STAG1: variants seen among roughly 807,000 people sequenced by gnomAD.
STAG1 encodes STAG1 cohesin complex component.
In STAG1, 26 loss-of-function variants were observed where a neutral mutation model predicts 170.9. The observed-to-expected ratio is 0.15, with a 90% CI of 0.11 to 0.21. The LOEUF is 0.21. Among genes scored for constraint, STAG1 ranks in the 10% least tolerant of loss-of-function variants. STAG1 has a pLI of 1.00. For synonymous variants in STAG1, 514 were observed against 497.7 expected (o/e 1.03, Z -0.44); for missense variants, 964 against 1,509.5 (o/e 0.64, Z 5.99).
chr3:136,555,599 G>A (rs1212557950), intron 5 of STAG1, among the ~76,000 whole-genome samples: 2 of 151,976 alleles, frequency 1.3e-5, no homozygotes, highest in Non-Finnish European at 2.9e-5. Flanking sequence ...AGTAGAATCC[G>A]CTTGAACCCA....
At chr3:136,723,344 G>A (rs1473704513) in intron 1 of STAG1, among the ~76,000 whole-genome samples, 175 of 142,896 alleles carry the variant, frequency 1.2e-3, no homozygotes, top group Non-Finnish European at 2.1e-3. Flanking sequence ...CTGCCCCGCC[G>A]CCCCGTCTGG....
chr3:136,652,970 A>G (rs962551373), intron 1 of STAG1, among the ~76,000 whole-genome samples: 2 of 152,114 alleles, frequency 1.3e-5, no homozygotes, highest in South Asian at 4.1e-4. Context: ...GGTGGGAGAC[A>G]CTGCCCCTAG....
At chr3:136,433,681 G>T in intron 15 of STAG1, 22 bp from the exon 16 acceptor site, 1 of 1,501,600 alleles carries the variant, frequency 6.7e-7, no homozygotes, top group Non-Finnish European at 9.2e-7. Context: ...CAAAATACAT[G>T]AGCATGAGTA....
intron 1 of STAG1, among the ~76,000 whole-genome samples, chr3:136,633,962 T>TCA (rs1212800689): frequency 2.0e-5 from 1 of 50,356 alleles, no homozygotes; most frequent in East Asian, 1.5e-3. Flanking sequence ...TGTCTCTACT[T>TCA]AAAAAAAAAA....
At chr3:136,511,823 T>C (rs1184377594) in intron 7 of STAG1, among the ~76,000 whole-genome samples, 1 of 152,110 alleles carries the variant, frequency 6.6e-6, no homozygotes, top group Non-Finnish European at 1.5e-5. Flanking sequence ...TCAATTTTCA[T>C]CTTCAACAAA....
intron 4 of STAG1, among the ~76,000 whole-genome samples, chr3:136,585,503 C>T (rs907904529): frequency 2.6e-5 from 4 of 151,788 alleles, no homozygotes; most frequent in African/African-American, 9.7e-5. Flanking sequence ...ATCTCAGCCA[C>T]TAAGGAGGTT....
At chr3:136,590,914 A>G (rs963292683) in intron 4 of STAG1, among the ~76,000 whole-genome samples, 2 of 151,942 alleles carry the variant, frequency 1.3e-5, no homozygotes, top group African/African-American at 4.8e-5. Flanking sequence ...GTGAAGTTCC[A>G]TTTATTTTAT....
Position 136,338,130 on chromosome 3 carries a change from A to C in STAG1, c.*124T>G, listed in dbSNP as rs1935775508. The C allele has an allele frequency of 1.5e-6, 1 of 677,996 alleles. No individual in the cohort carries two copies. The highest frequency in any genetic ancestry group is 2.6e-6 in the Non-Finnish European group (1 of 385,258). The allele number at this position is 677,996 out of a possible 1,614,324, so 42.0% of individuals were successfully genotyped here. The stretch of plus-strand genomic sequence containing the variant: ...GTCACTGCAAAAAGGGATTGACCTT[A>C]ATCATTTGATTAAAAAACAAATCAG... On this transcript the variant is annotated 3_prime_UTR_variant, in exon 34 of 34. Coordinates refer to ENST00000383202, the MANE Select transcript of STAG1 (RefSeq NM_005862.3).
At chr3:136,540,935 T>C (rs1559868752) in intron 6 of STAG1, among the ~76,000 whole-genome samples, 1 of 151,602 alleles carries the variant, frequency 6.6e-6, no homozygotes, top group Non-Finnish European at 1.5e-5. Flanking sequence ...TTGTTATATG[T>C]GCATTTTCAC....
At chr3:136,559,846 G>A (rs1391815517) in intron 5 of STAG1, among the ~76,000 whole-genome samples, 1 of 152,176 alleles carries the variant, frequency 6.6e-6, no homozygotes, top group Non-Finnish European at 1.5e-5. Flanking sequence ...CAAAATGTGA[G>A]AAGCTATACA....
chr3:136,639,319 A>T (rs1940705853), intron 1 of STAG1, among the ~76,000 whole-genome samples: 1 of 152,156 alleles, frequency 6.6e-6, no homozygotes, highest in Admixed American at 6.6e-5. Flanking sequence ...TGGATGACAG[A>T]GCAAGACCCT....
intron 15 of STAG1, among the ~76,000 whole-genome samples, chr3:136,434,545 G>C (rs188166446): frequency 6.3e-4 from 96 of 152,220 alleles, no homozygotes; most frequent in African/African-American, 2.3e-3. Context: ...GAGAACTCTT[G>C]TATGGTAGGG....
intron 15 of STAG1, among the ~76,000 whole-genome samples, chr3:136,434,608 T>C (rs1187973350): frequency 6.6e-6 from 1 of 152,188 alleles, no homozygotes; most frequent in African/African-American, 2.4e-5. Flanking sequence ...AGTTTGTCAT[T>C]TGTTATCAGA....
At chr3:136,471,557 A>C (rs1018380570) in intron 12 of STAG1, among the ~76,000 whole-genome samples, 5 of 152,204 alleles carry the variant, frequency 3.3e-5, no homozygotes, top group African/African-American at 1.2e-4. Flanking sequence ...AGATCCCTGC[A>C]TACATATTTA....
intron 3 of STAG1, among the ~76,000 whole-genome samples, chr3:136,613,313 C>CAAAAAAAAAAAAAAAAAAAAAAA (rs60449608): frequency 1.7e-5 from 1 of 59,758 alleles, no homozygotes; most frequent in Non-Finnish European, 2.8e-5. Flanking sequence ...GACTCCGTCT[C>CAAAAAAAAAAAAAAAAAAAAAAA]AAAAAAAAAA....
At position 136,604,362 on chromosome 3, in the gene STAG1, C is replaced by T. The variant is rs1167653799; in HGVS notation, c.244G>A (p.Gly82Arg). Residue 82 changes from glycine (G) to arginine (R), a missense_variant, in exon 4 of 34, where the codon GGG (glycine) becomes AGG (arginine). Physicochemically the swap from Gly to Arg is moderately radical, Grantham distance 125 (BLOSUM62 -2). Transcript: ENST00000383202. ...ANGHPQQNGE[G>R]EPVTLFEVVK... ...ACCTCAAATAATGTGACAGGCTCCC[C>T]TTCCCCATTCTGTTGAGGGTGTCCA... 6.8e-6 allele frequency: 11 copies of T among 1,613,430 alleles called. No individual in the cohort carries two copies. Among genetic ancestry groups the T allele is most frequent in the Non-Finnish European group, 7.6e-6 (9 of 1,179,804 alleles).
chr3:136,350,630 G>C (rs667920), intron 28 of STAG1, among the ~76,000 whole-genome samples: 1 of 151,984 alleles, frequency 6.6e-6, no homozygotes, highest in African/African-American at 2.4e-5. Context: ...AGGGATGCTG[G>C]TCCATGCCAT....
At chr3:136,477,641 C>T (rs1358804930) in intron 9 of STAG1, among the ~76,000 whole-genome samples, 1 of 152,108 alleles carries the variant, frequency 6.6e-6, no homozygotes, top group Non-Finnish European at 1.5e-5. Context: ...CCCAATTACT[C>T]TATTTTCACT....
At chr3:136,505,888 G>A (rs1933732882) in intron 7 of STAG1, among the ~76,000 whole-genome samples, 1 of 152,188 alleles carries the variant, frequency 6.6e-6, no homozygotes, top group Admixed American at 6.5e-5. Context: ...TCCAGGGACA[G>A]TTATAAGGTA....
Sources: gnomAD v4.1 joint callset for allele counts (sites outside exome capture counted in the v4.1 genomes callset) on GRCh38, gnomAD v4.1.1 for gene constraint, MANE v1.5 for transcripts, NCBI Gene and HGNC (gene_info 2026-07-23, HGNC 2026-07-21) for gene names.